Variants in SINHCAF observed in about 807,000 individuals in gnomAD.
The protein encoded by SINHCAF is SIN3-HDAC complex-associated factor.
SINHCAF carries 3 observed loss-of-function variants against 25.8 expected under a neutral mutation model. The ratio of observed to expected loss-of-function variants is 0.12; its 90% CI spans 0.05 to 0.30. SINHCAF has a LOEUF of 0.30. Among genes scored for constraint, SINHCAF ranks in the 10% least tolerant of loss-of-function variants. SINHCAF has a pLI of 1.00. For synonymous variants in SINHCAF, 70 were observed against 85.5 expected (o/e 0.82, Z 1.00); for missense variants, 121 against 262.3 (o/e 0.46, Z 3.72).
chr12:31,325,294 G>A lies in SINHCAF; in HGVS notation c.-21+730C>T, dbSNP rs1214680495. On this transcript the variant is annotated intron_variant, in intron 1 of 5. Coordinates refer to ENST00000337682, the MANE Select transcript of SINHCAF (RefSeq NM_001135812.2). The surrounding 1 kb of genome is among the most constrained non-coding windows in gnomAD (Gnocchi z 5.9). ...GGCTCTTGGGCGCGGTCCGAAGAGGGCAGGCGAGTGGAAGACGGGCTGTTT... is the reference window on the plus strand; with the variant it reads ...GGCTCTTGGGCGCGGTCCGAAGAGGACAGGCGAGTGGAAGACGGGCTGTTT... 1.1e-5 allele frequency: 5 copies of A among 452,906 alleles called. No individual in the cohort carries two copies. Among genetic ancestry groups the A allele is most frequent in the South Asian group, 7.8e-5 (5 of 64,330 alleles). 28.1% of individuals were successfully genotyped at this position (452,906 alleles called of 1,614,324 possible). A position where few individuals can be genotyped will look rare whatever the true frequency, so the allele number is the denominator to read the frequency against.
At chr12:31,284,960 T>C (rs1937972685) in intron 5 of SINHCAF, among the ~76,000 whole-genome samples, 1 of 152,228 alleles carries the variant, frequency 6.6e-6, no homozygotes, top group African/African-American at 2.4e-5. Flanking sequence ...ATAAATTAGC[T>C]TGTAAAGTTC....
At chr12:31,316,591 T>C (rs992792979) in intron 1 of SINHCAF, among the ~76,000 whole-genome samples, 2 of 152,138 alleles carry the variant, frequency 1.3e-5, no homozygotes, top group African/African-American at 4.8e-5. Context: ...TTACATCTAA[T>C]TAAACACATA....
In SINHCAF at chr12:31,313,332, C is replaced by T. The variant is rs114798701; in HGVS notation, c.-21+12692G>A. Among the ~76,000 whole-genome samples, 410 of 152,170 alleles carry T rather than the reference C, an allele frequency of 2.7e-3. 2 individuals carry two copies. The highest frequency in any genetic ancestry group is 9.2e-3 in the African/African-American group (384 of 41,516). ...GTGAGCCACCCCATGCAGCCAAGAT[C>T]ACTCTTTTCTTTATTGCACTGCAGT... On this transcript the variant is annotated intron_variant, in intron 1 of 5. Transcript: ENST00000337682.
intron 1 of SINHCAF, among the ~76,000 whole-genome samples, chr12:31,302,429 C>T (rs1938838495): frequency 6.6e-6 from 1 of 150,420 alleles, no homozygotes; most frequent in African/African-American, 2.5e-5. Context: ...TAGGAATTCA[C>T]TTGTCTTTAT....
At chr12:31,300,461 T>A (rs1301773108) in intron 1 of SINHCAF, among the ~76,000 whole-genome samples, 1 of 152,176 alleles carries the variant, frequency 6.6e-6, no homozygotes, top group Non-Finnish European at 1.5e-5. Context: ...TAGTTGATAA[T>A]AATTTTAGTT....
chr12:31,284,263 A>T (rs149872735), intron 5 of SINHCAF, among the ~76,000 whole-genome samples: 1 of 152,180 alleles, frequency 6.6e-6, no homozygotes, highest in Admixed American at 6.5e-5. Flanking sequence ...ATGGTATCTC[A>T]TTGAAATTTT....
chr12:31,302,919 T>G (rs983079296), intron 1 of SINHCAF: 11 of 984,996 alleles, frequency 1.1e-5, no homozygotes, highest in Non-Finnish European at 1.2e-5. Context: ...CAGCCTTAGT[T>G]AATAGGCCAT....
intron 2 of SINHCAF, among the ~76,000 whole-genome samples, chr12:31,297,560 C>T (rs1006408884): frequency 7.3e-5 from 11 of 149,764 alleles, no homozygotes; most frequent in Middle Eastern, 3.5e-3. Flanking sequence ...ACAACCTCCG[C>T]CTCCTGGGTT....
chr12:31,320,661 A>C (rs989601900), intron 1 of SINHCAF, among the ~76,000 whole-genome samples: 1 of 152,190 alleles, frequency 6.6e-6, no homozygotes, highest in South Asian at 2.1e-4. Flanking sequence ...TTAAAAACTA[A>C]TGTTTTGAAA....
At chr12:31,323,237 T>G (rs74084417) in intron 1 of SINHCAF, among the ~76,000 whole-genome samples, 1 of 152,278 alleles carries the variant, frequency 6.6e-6, no homozygotes, top group African/African-American at 2.4e-5. Context: ...TTAAATGCCA[T>G]GAGGGTTTTC....
At chr12:31,316,599 A>G (rs1207709577) in intron 1 of SINHCAF, among the ~76,000 whole-genome samples, 1 of 152,210 alleles carries the variant, frequency 6.6e-6, no homozygotes, top group African/African-American at 2.4e-5. Context: ...AATTAAACAC[A>G]TAAGTTTACT....
Position 31,287,686 on chromosome 12 carries a change from C to G in SINHCAF, c.454G>C (p.Gly152Arg), listed in dbSNP as rs1938136009. 4.4e-6 allele frequency: 7 copies of G among 1,606,630 alleles called. No homozygotes were observed. In the Admixed American group the frequency reaches 1.2e-4, roughly 27 times the overall value. The part of the protein sequence containing the change: ...DDGSDTEMAS[G>R]SNRTPVFSFL... ...GAAAAAACTGGTGTTCTGTTAGAAC[C>G]AGAAGCCATCTCTGTATCTGAGCCG... The change falls in exon 5 of 6, where the codon GGT becomes CGT. Residue 152 changes from glycine (G) to arginine (R), a missense_variant. By Grantham distance (125) the Gly-to-Arg change is moderately radical (BLOSUM62 -2). Coordinates refer to ENST00000337682, the MANE Select transcript of SINHCAF (RefSeq NM_001135812.2).
intron 5 of SINHCAF, among the ~76,000 whole-genome samples, chr12:31,285,148 G>T (rs574647366): frequency 8.5e-5 from 13 of 152,224 alleles, no homozygotes; most frequent in Non-Finnish European, 1.9e-4. Flanking sequence ...AGCACTTTGG[G>T]AGGCCAAGGC....
intron 1 of SINHCAF, among the ~76,000 whole-genome samples, chr12:31,315,547 G>A (rs1242263737): frequency 6.6e-6 from 1 of 152,118 alleles, no homozygotes; most frequent in Non-Finnish European, 1.5e-5. Flanking sequence ...TCTTCAAATA[G>A]GACAAACATT....
intron 1 of SINHCAF, chr12:31,298,461 G>A (rs1051958978): frequency 1.9e-5 from 8 of 428,762 alleles, no homozygotes; most frequent in Admixed American, 4.0e-5. Context: ...CTCCTAACTC[G>A]CCTAACAAAC....
At chr12:31,289,287 T>TA (rs1938208945) in intron 4 of SINHCAF, among the ~76,000 whole-genome samples, 1 of 152,058 alleles carries the variant, frequency 6.6e-6, no homozygotes, top group African/African-American at 2.4e-5. Context: ...TGGCGAGACA[T>TA]AAACCTAAGA....
intron 5 of SINHCAF, 53 bp from the exon 6 acceptor site, chr12:31,282,924 T>A: frequency 7.2e-7 from 1 of 1,389,114 alleles, no homozygotes; most frequent in Non-Finnish European, 9.8e-7. Context: ...AAAATAGGAA[T>A]ACAAAAGAAA....
intron 5 of SINHCAF, among the ~76,000 whole-genome samples, chr12:31,286,401 C>T (rs1447425893): frequency 2.0e-5 from 3 of 152,088 alleles, no homozygotes; most frequent in Non-Finnish European, 4.4e-5. Flanking sequence ...GTGGCTCACG[C>T]CTATAATCCC....
rs1227750311 is a variant in SINHCAF, at chr12:31,282,790, G to A, written c.588C>T (p.Cys196=). ...TCTCAGCAGCTGCTTTCTTATTGCT[G>A]CAGCAAGGCTTGAAGAGATGTGTGT... ...LIDTHLFKPC[C]SNKKAAAEKP... Residue 196 remains cysteine (C), a synonymous_variant, in exon 6 of 6, where the codon TGC becomes TGT. Transcript: ENST00000337682. 1 of 1,613,110 alleles carries A rather than the reference G, an allele frequency of 6.2e-7. No individual in the cohort carries two copies. The highest frequency in any genetic ancestry group is 8.5e-7 in the Non-Finnish European group (1 of 1,179,562).
Sources: allele counts gnomAD v4.1 joint callset (sites outside exome capture counted in the v4.1 genomes callset), GRCh38; gene constraint gnomAD v4.1.1; non-coding constraint Gnocchi (gnomAD v3.1); transcripts MANE v1.5; gene names NCBI Gene and HGNC (gene_info 2026-07-23, HGNC 2026-07-21).